Variants in TMEM132D observed in about 807,000 individuals in gnomAD.
TMEM132D encodes the protein transmembrane protein 132D, also known as mature OL transmembrane protein.
A neutral mutation model predicts 62.3 loss-of-function variants in TMEM132D; 21 were observed. The observed-to-expected ratio is 0.34, with a 90% CI of 0.24 to 0.49. The LOEUF (loss-of-function observed/expected upper bound fraction) is 0.49, where lower values mean the gene tolerates loss of function less well. Among genes scored for constraint, TMEM132D ranks in the 20% least tolerant of loss-of-function variants. The pLI, the probability that TMEM132D is intolerant of heterozygous loss-of-function variation, is 0.99. For missense variants in TMEM132D, 1,346 were observed against 1,402.8 expected (o/e 0.96, Z 0.65); for synonymous variants, 621 against 575.6 (o/e 1.08, Z -1.13).
intron 8 of TMEM132D, among the ~76,000 whole-genome samples, chr12:129,076,350 G>A (rs962902891): frequency 2.0e-5 from 3 of 152,208 alleles, no homozygotes; most frequent in Non-Finnish European, 2.9e-5. Context: ...GGTTCTGTGA[G>A]ATCCCTATAA....
intron 3 of TMEM132D, among the ~76,000 whole-genome samples, chr12:129,441,118 G>C (rs1872924243): frequency 6.6e-6 from 1 of 152,166 alleles, no homozygotes; most frequent in South Asian, 2.1e-4. Flanking sequence ...GAAGATGCTG[G>C]ATGTTCACTA....
intron 3 of TMEM132D, among the ~76,000 whole-genome samples, chr12:129,481,835 C>CCCT (rs1053837841): frequency 1.3e-5 from 2 of 152,116 alleles, no homozygotes; most frequent in African/African-American, 4.8e-5. Context: ...ATCAGGCACC[C>CCCT]CCTATTCACA....
intron 4 of TMEM132D, among the ~76,000 whole-genome samples, chr12:129,234,579 A>T (rs1879730554): frequency 6.6e-6 from 1 of 152,184 alleles, no homozygotes; most frequent in Admixed American, 6.5e-5. Flanking sequence ...CACCTGCCCC[A>T]AACACAAAAC....
intron 8 of TMEM132D, 33 bp downstream of exon 8, chr12:129,078,501 C>T (rs2135610820): frequency 4.4e-6 from 7 of 1,599,674 alleles, no homozygotes; most frequent in Non-Finnish European, 6.0e-6. Context: ...GTGAGGGACC[C>T]TGCTGAAGTG....
At chr12:129,360,744 T>C (rs1288305481) in intron 3 of TMEM132D, among the ~76,000 whole-genome samples, 1 of 152,150 alleles carries the variant, frequency 6.6e-6, no homozygotes, top group Non-Finnish European at 1.5e-5. Context: ...AGGAAGTCCG[T>C]CCAAACAGGG....
intron 3 of TMEM132D, among the ~76,000 whole-genome samples, chr12:129,444,620 C>A (rs1178670654): frequency 6.6e-6 from 1 of 152,190 alleles, no homozygotes; most frequent in Non-Finnish European, 1.5e-5. Flanking sequence ...CCTCCCCACC[C>A]TCCTCTGACA....
At chr12:129,710,549 G>A (rs958626947) in intron 1 of TMEM132D, among the ~76,000 whole-genome samples, 3 of 152,102 alleles carry the variant, frequency 2.0e-5, no homozygotes, top group Non-Finnish European at 2.9e-5. Flanking sequence ...CACCCACCTC[G>A]GCTTCCTAAG....
intron 2 of TMEM132D, among the ~76,000 whole-genome samples, chr12:129,661,490 C>A (rs181582123): frequency 2.0e-5 from 3 of 152,340 alleles, no homozygotes; most frequent in Non-Finnish European, 2.9e-5. Context: ...TTAGTCCCTG[C>A]AGCCCCATCA....
intron 3 of TMEM132D, among the ~76,000 whole-genome samples, chr12:129,493,369 G>A (rs973450337): frequency 6.6e-6 from 1 of 152,172 alleles, no homozygotes; most frequent in Non-Finnish European, 1.5e-5. Context: ...ATTATTCTAA[G>A]TGATTTACGT....
At chr12:129,788,203 C>T (rs1352232494) in intron 1 of TMEM132D, among the ~76,000 whole-genome samples, 1 of 152,184 alleles carries the variant, frequency 6.6e-6, no homozygotes, top group Non-Finnish European at 1.5e-5. Flanking sequence ...CTTTTACTTG[C>T]ACGGACTCCT....
intron 4 of TMEM132D, among the ~76,000 whole-genome samples, chr12:129,284,544 C>G (rs1277067245): frequency 6.6e-6 from 1 of 152,148 alleles, no homozygotes; most frequent in East Asian, 1.9e-4. Context: ...CGTATTTGTC[C>G]CCACAATTCC....
intron 3 of TMEM132D, among the ~76,000 whole-genome samples, chr12:129,525,071 G>A (rs1189179782): frequency 1.3e-5 from 2 of 148,622 alleles, no homozygotes; most frequent in Non-Finnish European, 3.0e-5. Flanking sequence ...GACTACAGGC[G>A]CCCGCCACCA....
At chr12:129,286,515 G>A (rs1881301138) in intron 4 of TMEM132D, among the ~76,000 whole-genome samples, 1 of 152,168 alleles carries the variant, frequency 6.6e-6, no homozygotes, top group South Asian at 2.1e-4. Context: ...ATCACACTAT[G>A]AGATTCTGTT....
chr12:129,184,135 C>T (rs1265778023), intron 5 of TMEM132D, among the ~76,000 whole-genome samples: 2 of 152,150 alleles, frequency 1.3e-5, no homozygotes, highest in African/African-American at 4.8e-5. Flanking sequence ...ACCGTCTCAC[C>T]CCTGTCACCA....
intron 5 of TMEM132D, among the ~76,000 whole-genome samples, chr12:129,089,554 C>T (rs1209614279): frequency 1.3e-5 from 2 of 151,654 alleles, no homozygotes; most frequent in African/African-American, 2.4e-5. Context: ...ACCGGGTGTC[C>T]TCCCTGACTG....
At chr12:129,183,312 T>C (rs577330789) in intron 5 of TMEM132D, among the ~76,000 whole-genome samples, 91 of 152,270 alleles carry the variant, frequency 6.0e-4, no homozygotes, top group African/African-American at 1.7e-3. Context: ...CAGGTGAGAG[T>C]GGCCGCTGTC....
chr12:129,595,421 G>T (rs887081014), intron 2 of TMEM132D, among the ~76,000 whole-genome samples: 6 of 152,326 alleles, frequency 3.9e-5, no homozygotes, highest in East Asian at 1.9e-4. Flanking sequence ...ATGACCACAG[G>T]GGGAGAGAAG....
intron 1 of TMEM132D, among the ~76,000 whole-genome samples, chr12:129,820,054 C>T (rs761493551): frequency 6.6e-6 from 1 of 152,138 alleles, no homozygotes; most frequent in Non-Finnish European, 1.5e-5. Flanking sequence ...TCCCCTGGTT[C>T]CTCTCACCTG....
intron 1 of TMEM132D, among the ~76,000 whole-genome samples, chr12:129,704,212 T>C (rs772883273): frequency 6.6e-6 from 1 of 152,238 alleles, no homozygotes; most frequent in East Asian, 1.9e-4. Flanking sequence ...CTGGCAATCC[T>C]CAGCATGGTA....
Sources: gnomAD v4.1 joint callset for allele counts (sites outside exome capture counted in the v4.1 genomes callset) on GRCh38, gnomAD v4.1.1 for gene constraint, MANE v1.5 for transcripts, NCBI Gene and HGNC (gene_info 2026-07-23, HGNC 2026-07-21) for gene names.